Variants in TYW1B observed in about 807,000 individuals in gnomAD.
TYW1B encodes the protein tRNA-yW synthesizing protein 1 homolog B.
Under a neutral mutation model 86.9 loss-of-function variants are expected in TYW1B, and 73 were observed. That is an observed-to-expected ratio of 0.84 (90% CI 0.70 to 1.02). The LOEUF (loss-of-function observed/expected upper bound fraction) is 1.02. Ranked by LOEUF, TYW1B falls within the 50% of genes least tolerant of loss-of-function variation. The probability of loss-of-function intolerance (pLI) is 0.00; values close to 1 mark genes in which losing one functional copy is unlikely to be tolerated. For missense variants in TYW1B, 637 were observed against 827.4 expected, an observed-to-expected ratio of 0.77 and a Z score of 2.82; for synonymous variants, 248 against 292.8, an observed-to-expected ratio of 0.85 and a Z score of 1.56.
At position 72,616,161 on chromosome 7, in the gene TYW1B, A is replaced by T. The variant is rs12334078; in HGVS notation, c.1785+511T>A. Among the ~76,000 whole-genome samples, 711 of 152,346 alleles carry T rather than the reference A, an allele frequency of 4.7e-3. 4 individuals carry two copies. Among genetic ancestry groups the T allele is most frequent in the African/African-American group, 0.016 (677 of 41,586 alleles). On this transcript the variant is annotated intron_variant, in intron 13 of 13. Transcript: ENST00000620995. ...GCTAGGAGTTATTTACTTAAGAAAGATACTAGATTCATATACTTGTTCTAT... is the reference window on the plus strand; with the variant it reads ...GCTAGGAGTTATTTACTTAAGAAAGTTACTAGATTCATATACTTGTTCTAT...
At chr7:72,775,854 G>A (rs1156814884) in intron 7 of TYW1B, among the ~76,000 whole-genome samples, 2 of 152,070 alleles carry the variant, frequency 1.3e-5, no homozygotes, top group Non-Finnish European at 2.9e-5. Context: ...ACTACATAAA[G>A]TAAATATGTG....
chr7:72,811,772 C>T (rs1465004049), intron 3 of TYW1B, among the ~76,000 whole-genome samples: 2 of 151,366 alleles, frequency 1.3e-5, no homozygotes, highest in Non-Finnish European at 1.5e-5. Context: ...ACTAGGCAGG[C>T]GTGGTAGTGG....
chr7:72,625,446 C>A (rs1812320774), intron 12 of TYW1B, among the ~76,000 whole-genome samples: 1 of 151,880 alleles, frequency 6.6e-6, no homozygotes, highest in Admixed American at 6.6e-5. Flanking sequence ...TAGTGAGACC[C>A]CATTTCTATA....
intron 13 of TYW1B, among the ~76,000 whole-genome samples, chr7:72,614,154 C>A (rs1812008151): frequency 6.6e-6 from 1 of 151,946 alleles, no homozygotes; most frequent in South Asian, 2.1e-4. Flanking sequence ...TTTATCATTG[C>A]ACTTTTTTGT....
chr7:72,662,050 C>T lies in TYW1B; in HGVS notation c.1506+32637G>A, dbSNP rs1489363369. Among the ~76,000 whole-genome samples, 8 of 152,282 alleles carry T rather than the reference C, an allele frequency of 5.3e-5. No individual in the cohort carries two copies. In the East Asian group the frequency reaches 9.6e-4, roughly 18 times the overall value. ...AGTCCAAAAAGAATCACTGCCTTTA[C>T]GCTAGGAGGAATGGTGAAGACATGG... On this transcript the variant is annotated intron_variant, in intron 11 of 13. Coordinates refer to ENST00000620995, the MANE Select transcript of TYW1B (RefSeq NM_001145440.3).
intron 10 of TYW1B, among the ~76,000 whole-genome samples, chr7:72,700,155 CTTTTTTTTTTTTTT>C (rs587689485): frequency 9.2e-4 from 68 of 74,248 alleles, no homozygotes; most frequent in African/African-American, 2.3e-3. Context: ...AGCTTTTACA[CTTTTTTTTTTTTTT>C]TTTTTTTTTT....
chr7:72,689,599 C>T (rs1336757858), intron 11 of TYW1B, among the ~76,000 whole-genome samples: 1 of 152,126 alleles, frequency 6.6e-6, no homozygotes, highest in Non-Finnish European at 1.5e-5. Flanking sequence ...AATGACTACA[C>T]TGTCTTTAAC....
At chr7:72,811,270 C>CAAA (rs1243709262) in intron 3 of TYW1B, among the ~76,000 whole-genome samples, 2 of 67,822 alleles carry the variant, frequency 2.9e-5, no homozygotes, top group African/African-American at 1.1e-4. Context: ...GACTCCATCT[C>CAAA]AAAAAAAAAA....
chr7:72,628,943 G>A lies in TYW1B; in HGVS notation c.1561C>T (p.Leu521Phe), dbSNP rs1183274336. The A allele has an allele frequency of 1.3e-6, 2 of 1,593,598 alleles. No individual in the cohort carries two copies. The highest frequency in any genetic ancestry group is 1.7e-6 in the Non-Finnish European group (2 of 1,171,132). ...GACACGAGCTGCGCGTAGGCCTGGA[G>A]CTCGTCCACGTTCCATGCTTTCACG... Reference protein sequence around the residue: ...MLVKAWNVDELQAYAQLVSLG... With the variant: ...MLVKAWNVDEFQAYAQLVSLG... The change falls in exon 12 of 14, where the codon CTC becomes TTC. Residue 521 changes from leucine (L) to phenylalanine (F), a missense_variant. Coordinates refer to ENST00000620995, the MANE Select transcript of TYW1B (RefSeq NM_001145440.3).
At position 72,575,092 on chromosome 7, in the gene TYW1B, A is replaced by G. The variant is rs559018272; in HGVS notation, c.*406T>C. 9.6e-7 allele frequency: 1 copy of G among 1,040,902 alleles called. No individual in the cohort carries two copies. The highest frequency in any genetic ancestry group is 1.7e-5 in the African/African-American group (1 of 59,302). The allele number at this position is 1,040,902 out of a possible 1,614,324, so 64.5% of individuals were successfully genotyped here. ...GCTCAGGGTAGTGCAATTCAATGCT[A>G]AGTGGCTGCTCCATGAAATCCAAGG... On this transcript the variant is annotated 3_prime_UTR_variant, in exon 14 of 14. Transcript: ENST00000620995.
intron 6 of TYW1B, among the ~76,000 whole-genome samples, chr7:72,781,376 C>A (rs1312844197): frequency 2.6e-5 from 4 of 152,110 alleles, no homozygotes; most frequent in East Asian, 1.9e-4. Context: ...CACCTCCTGG[C>A]GTCACTTCGT....
At chr7:72,712,598 G>A (rs868965175) in intron 10 of TYW1B, among the ~76,000 whole-genome samples, 1 of 152,178 alleles carries the variant, frequency 6.6e-6, no homozygotes, top group Non-Finnish European at 1.5e-5. Flanking sequence ...AAAGTGCTGG[G>A]ATGACAGGCA....
intron 11 of TYW1B, among the ~76,000 whole-genome samples, chr7:72,680,429 A>T (rs540798450): frequency 2.0e-5 from 3 of 152,238 alleles, no homozygotes; most frequent in African/African-American, 7.2e-5. Context: ...GCCCTCGAAC[A>T]TCAAACTCCA....
Position 72,577,335 on chromosome 7 carries a change from T to C in TYW1B, c.1786-1616A>G, listed in dbSNP as rs182891997. Among the ~76,000 whole-genome samples, 329 of 152,314 alleles carry C rather than the reference T, an allele frequency of 2.2e-3. 5 individuals are homozygous for C. The highest frequency in any genetic ancestry group is 7.7e-3 in the African/African-American group (322 of 41,566). On this transcript the variant is annotated intron_variant, in intron 13 of 13. Coordinates refer to ENST00000620995, the MANE Select transcript of TYW1B (RefSeq NM_001145440.3). Reference sequence around the variant, plus strand: ...TGCTGAATATGCGGAAAAGTTTAATTACTCTATGAATTAGAGGAAATTTTC... The same window carrying C: ...TGCTGAATATGCGGAAAAGTTTAATCACTCTATGAATTAGAGGAAATTTTC...
chr7:72,802,550 T>G (rs1375221029), intron 5 of TYW1B, 28 bp from the exon 6 acceptor site: 2 of 1,613,294 alleles, frequency 1.2e-6, no homozygotes, highest in Non-Finnish European at 8.5e-7. Flanking sequence ...CAGAAATACA[T>G]TGTTCAAAGG....
chr7:72,765,942 T>C (rs1255430354), intron 7 of TYW1B, among the ~76,000 whole-genome samples: 7 of 152,230 alleles, frequency 4.6e-5, no homozygotes, highest in Non-Finnish European at 4.4e-5. Context: ...AGACTTCATA[T>C]CATAATGAGA....
chr7:72,709,343 T>C (rs1814688179), intron 10 of TYW1B, among the ~76,000 whole-genome samples: 1 of 152,182 alleles, frequency 6.6e-6, no homozygotes, highest in African/African-American at 2.4e-5. Context: ...CACAGCACCC[T>C]TCATATTAGG....
intron 12 of TYW1B, among the ~76,000 whole-genome samples, chr7:72,624,033 T>C (rs1172122541): frequency 6.6e-6 from 1 of 152,140 alleles, no homozygotes; most frequent in Non-Finnish European, 1.5e-5. Flanking sequence ...ACTCCTGACC[T>C]CAAGTGATCT....
At chr7:72,807,897 G>T (rs147859360) in intron 4 of TYW1B, among the ~76,000 whole-genome samples, 1 of 152,074 alleles carries the variant, frequency 6.6e-6, no homozygotes, top group South Asian at 2.1e-4. Flanking sequence ...TGAGTGGCAA[G>T]GCATTAAACA....
Sources: gnomAD v4.1 joint callset for allele counts (sites outside exome capture counted in the v4.1 genomes callset) on GRCh38, gnomAD v4.1.1 for gene constraint, MANE v1.5 for transcripts, NCBI Gene and HGNC (gene_info 2026-07-23, HGNC 2026-07-21) for gene names.